The following SLC9A1 variants were observed in gnomAD, a reference collection of about 807,000 sequenced individuals.
SLC9A1 encodes solute carrier family 9 member A1.
A neutral mutation model predicts 67.9 loss-of-function variants in SLC9A1; 22 were observed. The ratio of observed to expected loss-of-function variants is 0.32; its 90% CI spans 0.23 to 0.46. The LOEUF is 0.46. SLC9A1 is among the 20% of genes least tolerant of loss of function. The probability of loss-of-function intolerance (pLI) is 1.00; values close to 1 mark genes in which losing one functional copy is unlikely to be tolerated. For synonymous variants in SLC9A1, 421 were observed against 471.8 expected (o/e 0.89, Z 1.40); for missense variants, 686 against 1,094.8 (o/e 0.63, Z 5.27).
rs750523701 is a variant in SLC9A1, at chr1:27,100,286, C to T, written c.*21G>A. The stretch of plus-strand genomic sequence containing the variant: ...GTGGAAGAGTCTGTGAGGGGACAGG[C>T]GCTGCCTGCTGGCCCTGGTGTTACT... On this transcript the variant is annotated 3_prime_UTR_variant, in exon 12 of 12. Coordinates refer to ENST00000263980, the MANE Select transcript of SLC9A1 (RefSeq NM_003047.5). The surrounding 1 kb of genome is among the most constrained non-coding windows in gnomAD (Gnocchi z 5.6). The T allele has an allele frequency of 2.1e-5, 32 of 1,495,794 alleles. No individual in the cohort carries two copies. The Admixed American group carries it at 5.0e-4, about 23-fold the overall frequency. 92.7% of individuals were successfully genotyped at this position (1,495,794 alleles called of 1,614,324 possible).
chr1:27,118,393 C>T lies in SLC9A1; in HGVS notation c.353-4107G>A, dbSNP rs1463430644. On this transcript the variant is annotated intron_variant, in intron 1 of 11. Transcript: ENST00000263980. This position sits in a 1 kb window ranked among gnomAD's most constrained non-coding sequence, Gnocchi z 4.3. Reference sequence around the variant, plus strand: ...CAAGAGGAGGCTCCTTCAGGAGCAACGGCTCAGGGAAGTGGGAAGCAGCCC... The same window carrying T: ...CAAGAGGAGGCTCCTTCAGGAGCAATGGCTCAGGGAAGTGGGAAGCAGCCC... Among the ~76,000 whole-genome samples, 4 of 152,174 alleles carry T rather than the reference C, an allele frequency of 2.6e-5. No individual in the cohort carries two copies. Among genetic ancestry groups the T allele is most frequent in the African/African-American group, 4.8e-5 (2 of 41,436 alleles).
In SLC9A1 at chr1:27,098,961, A is replaced by G. The variant is rs1337028310; in HGVS notation, c.*1346T>C. The G allele has an allele frequency of 6.5e-6, 1 of 152,694 alleles. No individual in the cohort carries two copies. The highest frequency in any genetic ancestry group is 1.5e-5 in the Non-Finnish European group (1 of 68,100). 9.5% of individuals were successfully genotyped at this position (152,694 alleles called of 1,614,324 possible). On this transcript the variant is annotated 3_prime_UTR_variant, in exon 12 of 12. Coordinates refer to ENST00000263980, the MANE Select transcript of SLC9A1 (RefSeq NM_003047.5). ...TCCTGCCCAAACAGCACTTGCATGG[A>G]GAGGAGGATGGACAGATGGGCCGAG...
intron 4 of SLC9A1, 124 bp downstream of exon 4, chr1:27,107,524 C>A: frequency 1.4e-6 from 1 of 730,102 alleles, no homozygotes; most frequent in South Asian, 1.7e-5. Flanking sequence ...CACATGCACA[C>A]ACCACATAGC....
rs2083549384 is a variant in SLC9A1 at position 27,154,055 on chromosome 1, T to C, written c.280A>G (p.Ile94Val). The change falls in exon 1 of 12, where the codon ATC becomes GTC. Residue 94 changes from isoleucine to valine, a missense_variant. By Grantham distance (29) the Ile-to-Val change is conservative. Transcript: ENST00000263980. ...GGGGTGCGCACGTGTGTGTAGTCGA[T>C]GCCCAGGACTGGAAAGGCCTTGCGC... ...KPRKAFPVLG[I>V]DYTHVRTPFE... is the part of the protein sequence containing the mutation. 1 of 1,611,896 alleles carries C rather than the reference T, an allele frequency of 6.2e-7. No individual in the cohort carries two copies. The highest frequency in any genetic ancestry group is 8.5e-7 in the Non-Finnish European group (1 of 1,178,734).
intron 1 of SLC9A1, among the ~76,000 whole-genome samples, chr1:27,146,564 C>T (rs569839230): frequency 6.6e-6 from 1 of 152,244 alleles, no homozygotes; most frequent in East Asian, 1.9e-4. Context: ...GGGCTTAAAC[C>T]CCAATGTTTT....
intron 1 of SLC9A1, 35 bp downstream of exon 1, chr1:27,153,948 G>C (rs766168313): frequency 1.4e-6 from 2 of 1,412,010 alleles, no homozygotes; most frequent in Non-Finnish European, 1.9e-6. Context: ...CACCAGTCTG[G>C]TGGCGGCCGC....
chr1:27,120,737 CA>C (rs111674229), intron 1 of SLC9A1, among the ~76,000 whole-genome samples: 4 of 147,414 alleles, frequency 2.7e-5, no homozygotes, highest in African/African-American at 2.5e-5. Context: ...AATTCCATTT[CA>C]AAAAAAAAAG....
In SLC9A1 at chr1:27,130,260, T is replaced by C. The variant is rs145840635; in HGVS notation, c.353-15974A>G. On this transcript the variant is annotated intron_variant, in intron 1 of 11. Transcript: ENST00000263980. ...GGATTACAGGCGCCCGCCACCACACTCGGTTAATTTTTTGTGTATTTTTAG... is the reference window on the plus strand; with the variant it reads ...GGATTACAGGCGCCCGCCACCACACCCGGTTAATTTTTTGTGTATTTTTAG... 8.1e-3 allele frequency among the ~76,000 whole-genome samples: 1,236 copies of C among 151,996 alleles called. 17 individuals carry two copies. Among genetic ancestry groups the C allele is most frequent in the African/African-American group, 0.028 (1,146 of 41,448 alleles).
rs918940648 is a variant in SLC9A1, at chr1:27,114,240, G to A, written c.399C>T (p.Cys133=). ...CCAGCAGCCCCACCACGATCAGCAG[G>A]CAGCTCTCCGGGACGATGCTTGAGA... ...PTISSIVPES[C]LLIVVGLLVG... The change falls in exon 2 of 12, where the codon TGC becomes TGT. Residue 133 remains cysteine, a synonymous_variant. Transcript: ENST00000263980. The surrounding 1 kb of genome is among the most constrained non-coding windows in gnomAD (Gnocchi z 5.4). 1 of 1,613,980 alleles carries A rather than the reference G, an allele frequency of 6.2e-7. No individual in the cohort carries two copies. The highest frequency in any genetic ancestry group is 8.5e-7 in the Non-Finnish European group (1 of 1,179,858).
intron 1 of SLC9A1, among the ~76,000 whole-genome samples, chr1:27,131,439 CA>C (rs35954506): frequency 0.13 from 3,453 of 27,466 alleles, 43 homozygotes; most frequent in Non-Finnish European, 0.15. Context: ...ACTAAAAATA[CA>C]AAAAAAAAAA....
chr1:27,107,401 ACACCATACACACATC>A (rs1006239075), intron 4 of SLC9A1, among the ~76,000 whole-genome samples: 1 of 146,202 alleles, frequency 6.8e-6, no homozygotes, highest in Non-Finnish European at 1.5e-5. Context: ...CACTACACAC[ACACCATACACACATC>A]CAGCCCCCCT....
intron 1 of SLC9A1, among the ~76,000 whole-genome samples, chr1:27,130,042 T>C (rs1184803825): frequency 6.6e-6 from 1 of 152,212 alleles, no homozygotes; most frequent in Non-Finnish European, 1.5e-5. Flanking sequence ...TGTCACTCCT[T>C]TGCTGTGTGA....
chr1:27,105,742 G>A (rs749290311), intron 5 of SLC9A1, 143 bp downstream of exon 5: 1 of 749,500 alleles, frequency 1.3e-6, no homozygotes, highest in South Asian at 1.5e-5. Flanking sequence ...GAAAGGGGGA[G>A]TGGCTCGCCC....
At position 27,100,229 on chromosome 1, in the gene SLC9A1, G is replaced by C; in HGVS notation, c.*78C>G. The C allele has an allele frequency of 8.7e-7, 1 of 1,143,950 alleles. No homozygotes were observed. Among genetic ancestry groups the C allele is most frequent in the Non-Finnish European group, 1.2e-6 (1 of 828,830 alleles). 70.9% of individuals were successfully genotyped at this position (1,143,950 alleles called of 1,614,324 possible). On this transcript the variant is annotated 3_prime_UTR_variant, in exon 12 of 12. Transcript: ENST00000263980. The surrounding 1 kb of genome is among the most constrained non-coding windows in gnomAD (Gnocchi z 5.6). ...GGCAGGGCCAATCCGGGTCAGGAAG[G>C]GCAAGGGGAGCCCCCAGCAGCCCCT...
At position 27,103,242 on chromosome 1, in the gene SLC9A1, T is replaced by C. The variant is rs866445773; in HGVS notation, c.1556A>G (p.Asn519Ser). 2.5e-6 allele frequency: 4 copies of C among 1,600,148 alleles called. No homozygotes were observed. Among genetic ancestry groups the C allele is most frequent in the Middle Eastern group, 1.7e-4 (1 of 6,000 alleles). Residue 519 changes from asparagine to serine, a missense_variant, in exon 6 of 12, where the codon AAC becomes AGC. This residue lies in a region of SLC9A1 where 168 missense variants were observed against 375.4 expected (regional missense o/e 0.45). Transcript: ENST00000263980. The part of the protein sequence containing the change: ...KKKQETKRSI[N>S]EEIHTQFLDH... ...CAGTACCTGTGTGTGGATCTCTTCG[T>C]TGATGGAGCGCTTCGTCTCTTGCTT...
intron 1 of SLC9A1, among the ~76,000 whole-genome samples, chr1:27,130,684 G>A (rs934477478): frequency 5.9e-5 from 9 of 152,236 alleles, no homozygotes; most frequent in Admixed American, 5.9e-4. Context: ...AATGCCATGA[G>A]GTAGACACTA....
chr1:27,102,267 C>T, intron 8 of SLC9A1, 118 bp downstream of exon 8: 2 of 1,363,478 alleles, frequency 1.5e-6, no homozygotes. Context: ...GAGCCCACAG[C>T]TCTCTTGTCC....
intron 1 of SLC9A1, among the ~76,000 whole-genome samples, chr1:27,146,390 A>G (rs2083485515): frequency 1.3e-5 from 2 of 152,184 alleles, no homozygotes; most frequent in African/African-American, 4.8e-5. Context: ...CCCCAAACCC[A>G]AGAAGTGATC....
chr1:27,099,565 G>A lies in SLC9A1; in HGVS notation c.*742C>T, dbSNP rs1015063183. The stretch of plus-strand genomic sequence containing the variant: ...TGCAAACAATCATATATAGGAGTGT[G>A]AACAAACAAAACTTAAAAAGGCAGC... On this transcript the variant is annotated 3_prime_UTR_variant, in exon 12 of 12. Transcript: ENST00000263980. 1.3e-5 allele frequency: 2 copies of A among 152,662 alleles called. No individual in the cohort carries two copies. The highest frequency in any genetic ancestry group is 4.8e-5 in the African/African-American group (2 of 41,446). The allele number at this position is 152,662 out of a possible 1,614,324, so 9.5% of individuals were successfully genotyped here.
Sources: allele counts gnomAD v4.1 joint callset (sites outside exome capture counted in the v4.1 genomes callset), GRCh38; gene constraint gnomAD v4.1.1; regional missense constraint gnomAD v4.1.1; non-coding constraint Gnocchi (gnomAD v3.1); transcripts MANE v1.5; gene names NCBI Gene and HGNC (gene_info 2026-07-23, HGNC 2026-07-21).